The following CACNB2 variants were observed in gnomAD, a reference collection of about 807,000 sequenced individuals.
CACNB2 encodes the protein voltage-dependent L-type calcium channel subunit beta-2.
Under a neutral mutation model 73.3 loss-of-function variants are expected in CACNB2, and 42 were observed. The ratio of observed to expected loss-of-function variants is 0.57; its 90% CI spans 0.45 to 0.74. CACNB2 has a LOEUF of 0.74. Among genes scored for constraint, CACNB2 ranks in the 30% least tolerant of loss-of-function variants. The pLI, the probability that CACNB2 is intolerant of heterozygous loss-of-function variation, is 0.00. For synonymous variants in CACNB2, 348 were observed against 310.3 expected, an observed-to-expected ratio of 1.12 and a Z score of -1.28; for missense variants, 940 against 853.0, an observed-to-expected ratio of 1.10 and a Z score of -1.27.
intron 3 of CACNB2, among the ~76,000 whole-genome samples, chr10:18,406,560 C>T (rs1198479019): frequency 6.6e-6 from 1 of 152,142 alleles, no homozygotes; most frequent in Non-Finnish European, 1.5e-5. Flanking sequence ...TTATGAGAGT[C>T]TAATGCCTGA....
chr10:18,461,276 A>G (rs1296010376), intron 3 of CACNB2, among the ~76,000 whole-genome samples: 1 of 152,006 alleles, frequency 6.6e-6, no homozygotes, highest in South Asian at 2.1e-4. Flanking sequence ...TTCGATCCCT[A>G]TCCTCAAGGT....
At chr10:18,459,848 A>G (rs1415941542) in intron 3 of CACNB2, among the ~76,000 whole-genome samples, 1 of 152,094 alleles carries the variant, frequency 6.6e-6, no homozygotes, top group Non-Finnish European at 1.5e-5. Context: ...AAATACAAAA[A>G]TTACCTGGGA....
Position 18,172,342 on chromosome 10 carries a change from C to T in CACNB2, c.213+21367C>T, listed in dbSNP as rs140429278. On this transcript the variant is annotated intron_variant, in intron 2 of 13. Transcript: ENST00000324631. ...TCATGCCACTGCACTCCAGCCTGGG[C>T]GACACAGCAAGACTCCTTCTCAAAA... Among the ~76,000 whole-genome samples the T allele has an allele frequency of 8.5e-3, 1,293 of 152,180 alleles. 6 individuals are homozygous for T. Among genetic ancestry groups the T allele is most frequent in the African/African-American group, 0.013 (555 of 41,514 alleles).
At chr10:18,474,357 G>T (rs2048333242) in intron 3 of CACNB2, among the ~76,000 whole-genome samples, 1 of 152,124 alleles carries the variant, frequency 6.6e-6, no homozygotes, top group Non-Finnish European at 1.5e-5. Context: ...CTCTGTGACA[G>T]GTCTCAATCA....
At chr10:18,413,276 A>G (rs759964555) in intron 3 of CACNB2, among the ~76,000 whole-genome samples, 4 of 152,208 alleles carry the variant, frequency 2.6e-5, no homozygotes, top group Admixed American at 6.5e-5. Flanking sequence ...CCAGCCACAC[A>G]TATTTTATGT....
chr10:18,208,300 G>T (rs992323468), intron 2 of CACNB2, among the ~76,000 whole-genome samples: 1 of 151,990 alleles, frequency 6.6e-6, no homozygotes, highest in Non-Finnish European at 1.5e-5. Context: ...GACCCTATCT[G>T]TACACACACA....
intron 2 of CACNB2, among the ~76,000 whole-genome samples, chr10:18,153,563 C>CTTAT (rs57218845): frequency 0.23 from 32,548 of 142,552 alleles, 3,875 homozygotes; most frequent in Middle Eastern, 0.27. Flanking sequence ...CTAGATTTTA[C>CTTAT]TTATTTATTT....
At chr10:18,322,355 T>C (rs2040427479) in intron 2 of CACNB2, among the ~76,000 whole-genome samples, 1 of 152,224 alleles carries the variant, frequency 6.6e-6, no homozygotes, top group Non-Finnish European at 1.5e-5. Flanking sequence ...GCATGATTTG[T>C]AAAAAGCAGG....
intron 3 of CACNB2, among the ~76,000 whole-genome samples, chr10:18,415,169 C>T (rs1394273356): frequency 6.6e-6 from 1 of 152,124 alleles, no homozygotes; most frequent in African/African-American, 2.4e-5. Flanking sequence ...AGCTATCAGA[C>T]TTAAAGCACT....
At chr10:18,307,983 C>CATTTTTTTTTTTTTTTTTTTTTTTTTTT (rs1356604464) in intron 2 of CACNB2, among the ~76,000 whole-genome samples, 1 of 70,268 alleles carries the variant, frequency 1.4e-5, no homozygotes, top group African/African-American at 6.0e-5. Flanking sequence ...TATATGCCAA[C>CATTTTTTTTTTTTTTTTTTTTTTTTTTT]TTTTTTTTTT....
In CACNB2 at chr10:18,337,344, C is replaced by T. The variant is rs752909745; in HGVS notation, c.214-64580C>T. Reference sequence around the variant, plus strand: ...CTTGAACTCTTGAGCTCAAGTGATCCGTCCATCTCAGCCTCCCAAAGTGCT... The same window carrying T: ...CTTGAACTCTTGAGCTCAAGTGATCTGTCCATCTCAGCCTCCCAAAGTGCT... On this transcript the variant is annotated intron_variant, in intron 2 of 13. Transcript: ENST00000324631. Among the ~76,000 whole-genome samples the T allele has an allele frequency of 3.9e-5, 6 of 152,198 alleles. No homozygotes were observed. The East Asian group carries it at 9.7e-4, about 25-fold the overall frequency.
At chr10:18,483,224 T>C (rs903651060) in intron 3 of CACNB2, among the ~76,000 whole-genome samples, 21 of 151,706 alleles carry the variant, frequency 1.4e-4, no homozygotes, top group African/African-American at 5.1e-4. Context: ...TCAATCATTT[T>C]CGTTTAAAAA....
intron 1 of CACNB2, among the ~76,000 whole-genome samples, chr10:18,145,227 C>T (rs2030843539): frequency 6.6e-6 from 1 of 152,252 alleles, no homozygotes; most frequent in Non-Finnish European, 1.5e-5. Flanking sequence ...GAGCTTTATC[C>T]AAAAAGAGTA....
chr10:18,502,722 A>C (rs1793178104), intron 5 of CACNB2, among the ~76,000 whole-genome samples: 1 of 136,370 alleles, frequency 7.3e-6, no homozygotes, highest in Non-Finnish European at 1.6e-5. Flanking sequence ...AAAAAAAAAA[A>C]AACCGCATGT....
At chr10:18,225,835 C>A (rs2035971273) in intron 2 of CACNB2, among the ~76,000 whole-genome samples, 1 of 151,782 alleles carries the variant, frequency 6.6e-6, no homozygotes, top group African/African-American at 2.4e-5. Context: ...AAATGGGGTC[C>A]CACTATGTTG....
chr10:18,259,423 G>A (rs1174948301), intron 2 of CACNB2, among the ~76,000 whole-genome samples: 1 of 151,536 alleles, frequency 6.6e-6, no homozygotes, highest in Non-Finnish European at 1.5e-5. Context: ...TTTAAAATTA[G>A]GCTGGGCACT....
chr10:18,517,842 A>G (rs570369916), intron 7 of CACNB2, among the ~76,000 whole-genome samples: 2 of 152,342 alleles, frequency 1.3e-5, no homozygotes, highest in East Asian at 3.9e-4. Flanking sequence ...AGTGAGAGTT[A>G]TAATATTTTG....
At chr10:18,519,694 ATTTT>A (rs200407642) in intron 9 of CACNB2, 1 of 449,668 alleles carries the variant, frequency 2.2e-6, no homozygotes, top group African/African-American at 2.0e-5. Flanking sequence ...TAGGTGTCTC[ATTTT>A]TTTTTCTTTT....
rs565474013 is a variant in CACNB2 at position 18,172,548 on chromosome 10, T to C, written c.213+21573T>C. On this transcript the variant is annotated intron_variant, in intron 2 of 13. Coordinates refer to ENST00000324631, the MANE Select transcript of CACNB2 (RefSeq NM_201596.3). Reference sequence around the variant, plus strand: ...CCTGAGAGTAGGGAAGAAAGAGATGTTCAGAGTTGAAGGTGTCAGAGCTAG... The same window carrying C: ...CCTGAGAGTAGGGAAGAAAGAGATGCTCAGAGTTGAAGGTGTCAGAGCTAG... Among the ~76,000 whole-genome samples, 3 of 152,300 alleles carry C rather than the reference T, an allele frequency of 2.0e-5. No homozygotes were observed. The East Asian group carries it at 5.8e-4, about 29-fold the overall frequency.
Sources: gnomAD v4.1 joint callset for allele counts (sites outside exome capture counted in the v4.1 genomes callset) on GRCh38, gnomAD v4.1.1 for gene constraint, MANE v1.5 for transcripts, NCBI Gene and HGNC (gene_info 2026-07-23, HGNC 2026-07-21) for gene names.